The following ARHGAP6 variants were observed in gnomAD, a reference collection of about 807,000 sequenced individuals.
The protein encoded by ARHGAP6 is Rho GTPase activating protein 6.
A neutral mutation model predicts 55.7 loss-of-function variants in ARHGAP6; 16 were observed. The ratio of observed to expected loss-of-function variants is 0.29; its 90% CI spans 0.19 to 0.44. The LOEUF (loss-of-function observed/expected upper bound fraction) is 0.44, where lower values mean the gene tolerates loss of function less well. ARHGAP6 is among the 20% of genes least tolerant of loss of function. The pLI is 1.00. For missense variants in ARHGAP6, 698 were observed against 808.9 expected (o/e 0.86, Z 1.66); for synonymous variants, 382 against 360.9 (o/e 1.06, Z -0.66).
At chrX:11,203,002 A>G (rs1430031459) in intron 2 of ARHGAP6, among the ~76,000 whole-genome samples, 1 of 109,832 alleles carries the variant, frequency 9.1e-6, no homozygotes. Flanking sequence ...TCTCTGTGAA[A>G]TGGAGGATAA....
chrX:11,237,377 A>G (rs904139675), intron 2 of ARHGAP6, among the ~76,000 whole-genome samples: 3 of 111,916 alleles, frequency 2.7e-5, no homozygotes, highest in Non-Finnish European at 5.6e-5. Flanking sequence ...AGTTTTATAA[A>G]AAGTTAAGTC....
intron 1 of ARHGAP6, among the ~76,000 whole-genome samples, chrX:11,385,386 C>T (rs1444422285): frequency 1.8e-5 from 2 of 111,675 alleles, no homozygotes; most frequent in South Asian, 3.8e-4. Context: ...ATTATGAATA[C>T]TAATGATAAT....
intron 2 of ARHGAP6, among the ~76,000 whole-genome samples, chrX:11,222,618 A>C (rs1237191215): frequency 8.9e-6 from 1 of 112,085 alleles, no homozygotes; most frequent in African/African-American, 3.2e-5. Flanking sequence ...TTTTAAGTGT[A>C]TTTCTTTATC....
intron 1 of ARHGAP6, among the ~76,000 whole-genome samples, chrX:11,423,641 G>T (rs762439321): frequency 1.8e-5 from 2 of 112,616 alleles, no homozygotes; most frequent in Non-Finnish European, 3.7e-5. Context: ...GATTCATGAA[G>T]TCATTCAACA....
At chrX:11,166,140 C>T (rs991363087) in intron 9 of ARHGAP6, among the ~76,000 whole-genome samples, 1 of 111,473 alleles carries the variant, frequency 9.0e-6, no homozygotes, top group Non-Finnish European at 1.9e-5. Flanking sequence ...GGTTCTTTTC[C>T]GCCCTTTCCC....
intron 1 of ARHGAP6, among the ~76,000 whole-genome samples, chrX:11,440,261 C>T (rs754758929): frequency 2.8e-4 from 32 of 112,440 alleles, no homozygotes; most frequent in Admixed American, 6.6e-4. Context: ...TTCTATGTCA[C>T]GTCATACTAT....
chrX:11,345,920 G>C (rs1410984951), intron 1 of ARHGAP6, among the ~76,000 whole-genome samples: 1 of 110,817 alleles, frequency 9.0e-6, no homozygotes, highest in Non-Finnish European at 1.9e-5. Flanking sequence ...GGTAGCAATG[G>C]GGACATTTTA....
At chrX:11,417,570 T>C (rs189272153) in intron 1 of ARHGAP6, among the ~76,000 whole-genome samples, 1 of 111,797 alleles carries the variant, frequency 8.9e-6, no homozygotes. Context: ...GTTTTGATAT[T>C]GTGTAAATAA....
At chrX:11,386,330 C>G (rs2049327838) in intron 1 of ARHGAP6, among the ~76,000 whole-genome samples, 1 of 112,996 alleles carries the variant, frequency 8.8e-6, no homozygotes, top group South Asian at 3.6e-4. Flanking sequence ...TAGGGCTTAG[C>G]AGAAATGCTC....
At chrX:11,176,558 A>G (rs190345681) in intron 8 of ARHGAP6, among the ~76,000 whole-genome samples, 162 of 106,955 alleles carry the variant, frequency 1.5e-3, no homozygotes, top group Non-Finnish European at 1.1e-3. Context: ...TGCTTTCCTC[A>G]ATGCCTTCCT....
At chrX:11,553,208 A>G (rs2051287878) in intron 1 of ARHGAP6, among the ~76,000 whole-genome samples, 1 of 109,811 alleles carries the variant, frequency 9.1e-6, no homozygotes, top group Non-Finnish European at 1.9e-5. Context: ...AGAAAATCCA[A>G]TCTTGAACAA....
At chrX:11,354,277 CTCTCTCTCTCTCTCTCTT>C (rs1359081036) in intron 1 of ARHGAP6, among the ~76,000 whole-genome samples, 101 of 80,239 alleles carry the variant, frequency 1.3e-3, no homozygotes, top group African/African-American at 4.6e-3. Flanking sequence ...CTCTCTCTCT[CTCTCTCTCTCTCTCTCTT>C]TCTCTCTCTC....
chrX:11,401,328 G>T (rs191982539), intron 1 of ARHGAP6, among the ~76,000 whole-genome samples: 1 of 111,783 alleles, frequency 8.9e-6, no homozygotes, highest in East Asian at 2.8e-4. Flanking sequence ...TATCTAGACA[G>T]TCCTCATAGC....
chrX:11,521,328 T>C (rs947982568), intron 1 of ARHGAP6, among the ~76,000 whole-genome samples: 4 of 112,193 alleles, frequency 3.6e-5, no homozygotes, highest in African/African-American at 1.3e-4. Flanking sequence ...CTTGAATTGA[T>C]TTTTTATAAG....
chrX:11,175,569 T>C (rs985414462), intron 8 of ARHGAP6, among the ~76,000 whole-genome samples: 1 of 111,819 alleles, frequency 8.9e-6, no homozygotes, highest in Non-Finnish European at 1.9e-5. Flanking sequence ...GGAAGGTTAA[T>C]AGATTTTTCT....
At chrX:11,535,001 A>T (rs2051088112) in intron 1 of ARHGAP6, among the ~76,000 whole-genome samples, 1 of 111,031 alleles carries the variant, frequency 9.0e-6, no homozygotes, top group African/African-American at 3.3e-5. Flanking sequence ...TACTGATACC[A>T]TCTTATTTTC....
intron 1 of ARHGAP6, among the ~76,000 whole-genome samples, chrX:11,440,301 T>G (rs2050027782): frequency 2.7e-5 from 3 of 112,346 alleles, no homozygotes. Context: ...CATAAAATTT[T>G]TAAAAATCCA....
intron 1 of ARHGAP6, among the ~76,000 whole-genome samples, chrX:11,448,657 G>A (rs991582101): frequency 9.0e-6 from 1 of 111,156 alleles, no homozygotes; most frequent in Non-Finnish European, 1.9e-5. Context: ...TGATATAATT[G>A]GTCTGGGGGT....
At chrX:11,184,392 A>C (rs2046360745) in intron 5 of ARHGAP6, among the ~76,000 whole-genome samples, 1 of 112,390 alleles carries the variant, frequency 8.9e-6, no homozygotes, top group Admixed American at 9.4e-5. Flanking sequence ...CCAGCCTTAA[A>C]TCTTTATAAC....
Sources: gnomAD v4.1 joint callset for allele counts (sites outside exome capture counted in the v4.1 genomes callset) on GRCh38, gnomAD v4.1.1 for gene constraint, MANE v1.5 for transcripts, NCBI Gene and HGNC (gene_info 2026-07-23, HGNC 2026-07-21) for gene names.